The following XYLT1 variants were observed in gnomAD, a reference collection of about 807,000 sequenced individuals.
XYLT1 encodes the protein beta-D-xylosyltransferase 1.
Under a neutral mutation model 91.3 loss-of-function variants are expected in XYLT1, and 36 were observed. The ratio of observed to expected loss-of-function variants is 0.39; its 90% confidence interval spans 0.30 to 0.52. The LOEUF is 0.52. XYLT1 is among the 20% of genes least tolerant of loss of function. The pLI, the probability that XYLT1 is intolerant of heterozygous loss-of-function variation, is 0.68. For missense variants in XYLT1, 1,242 were observed against 1,284.5 expected (o/e 0.97, Z 0.51); for synonymous variants, 588 against 532.0 (o/e 1.11, Z -1.45).
chr16:17,229,271 G>A (rs769562881), intron 3 of XYLT1, among the ~76,000 whole-genome samples: 2 of 152,176 alleles, frequency 1.3e-5, no homozygotes, highest in African/African-American at 2.4e-5. Context: ...ACTGTAGCCC[G>A]GGCCAGTCCT....
At chr16:17,370,881 C>G (rs2035523292) in intron 1 of XYLT1, among the ~76,000 whole-genome samples, 1 of 152,168 alleles carries the variant, frequency 6.6e-6, no homozygotes, top group Non-Finnish European at 1.5e-5. Flanking sequence ...CAGCTATCTC[C>G]CTTAGAAGGG....
At chr16:17,309,887 G>A (rs560128199) in intron 2 of XYLT1, among the ~76,000 whole-genome samples, 56 of 152,298 alleles carry the variant, frequency 3.7e-4, no homozygotes, top group African/African-American at 1.3e-3. Flanking sequence ...TGGTGAGAAA[G>A]GCTATGTGGG....
intron 2 of XYLT1, among the ~76,000 whole-genome samples, chr16:17,287,946 T>C (rs1028400905): frequency 2.6e-5 from 4 of 151,686 alleles, no homozygotes; most frequent in Non-Finnish European, 4.4e-5. Context: ...TTTCTTTTTT[T>C]TTTTTTGAGA....
chr16:17,195,183 G>C (rs2032398252), intron 5 of XYLT1, among the ~76,000 whole-genome samples: 1 of 152,224 alleles, frequency 6.6e-6, no homozygotes, highest in African/African-American at 2.4e-5. Flanking sequence ...CTAGTGGGTA[G>C]AGGCCAGAGA....
At chr16:17,450,265 G>C (rs2036648249) in intron 1 of XYLT1, among the ~76,000 whole-genome samples, 2 of 152,232 alleles carry the variant, frequency 1.3e-5, no homozygotes, top group South Asian at 4.1e-4. Context: ...TTGAACCCAG[G>C]AGGCAGAGGT....
At chr16:17,297,546 C>G (rs577305137) in intron 2 of XYLT1, among the ~76,000 whole-genome samples, 9 of 131,762 alleles carry the variant, frequency 6.8e-5, no homozygotes, top group African/African-American at 3.1e-4. Context: ...GACCCCATCT[C>G]TAAAGAAAAT....
At chr16:17,111,586 A>G (rs1303735606) in intron 11 of XYLT1, among the ~76,000 whole-genome samples, 1 of 152,320 alleles carries the variant, frequency 6.6e-6, no homozygotes, top group East Asian at 1.9e-4. Flanking sequence ...GGATATTAAC[A>G]AGTGTCCAGA....
chr16:17,327,331 G>A (rs541677127), intron 2 of XYLT1, among the ~76,000 whole-genome samples: 165 of 150,848 alleles, frequency 1.1e-3, no homozygotes, highest in African/African-American at 3.8e-3. Flanking sequence ...GATTAAAAAC[G>A]AGCAACAACT....
chr16:17,149,795 C>T lies in XYLT1; in HGVS notation c.1371-8426G>A, dbSNP rs75082141. ...TCTACTAACCTTAGGCAACTTTAAT[C>T]ATATGGTACTTTGGTTTCTCACAGG... On this transcript the variant is annotated intron_variant, in intron 6 of 11. Coordinates refer to ENST00000261381, the MANE Select transcript of XYLT1 (RefSeq NM_022166.4). 0.01 allele frequency among the ~76,000 whole-genome samples: 1,594 copies of T among 152,282 alleles called. 82 individuals are homozygous for T. In the East Asian group the frequency reaches 0.16, roughly 16 times the overall value.
intron 3 of XYLT1, among the ~76,000 whole-genome samples, chr16:17,249,396 G>A (rs2033499321): frequency 6.6e-6 from 1 of 152,216 alleles, no homozygotes. Context: ...GTGAGGGCAA[G>A]ACTGAGGATT....
At chr16:17,166,515 C>CTT (rs369535545) in intron 5 of XYLT1, among the ~76,000 whole-genome samples, 5 of 144,392 alleles carry the variant, frequency 3.5e-5, no homozygotes, top group Non-Finnish European at 4.6e-5. Context: ...CCATCATTCA[C>CTT]TTTTTTTTTT....
In XYLT1 at chr16:17,172,587, T is replaced by C. The variant is rs374884667; in HGVS notation, c.1290-13678A>G. Among the ~76,000 whole-genome samples the C allele has an allele frequency of 2.5e-4, 37 of 148,576 alleles. 1 individual carries two copies. The East Asian group carries it at 5.1e-3, about 21-fold the overall frequency. ...CCCAGGTTCAAGCGATTATCCTGCC[T>C]CAGCCTCCTGAGTAGCTGGGATTAC... On this transcript the variant is annotated intron_variant, in intron 5 of 11. Coordinates refer to ENST00000261381, the MANE Select transcript of XYLT1 (RefSeq NM_022166.4).
chr16:17,102,295 TG>T lies in XYLT1; in HGVS notation c.*6399del, dbSNP rs1331031300. On this transcript the variant is annotated 3_prime_UTR_variant, in exon 12 of 12. Coordinates refer to ENST00000261381, the MANE Select transcript of XYLT1 (RefSeq NM_022166.4). ...GAGATTGTGTAAAGATGCACAATGT[TG>T]CTGAAAAGAAGCCACATATAGTCAC... The T allele has an allele frequency of 6.5e-5, 10 of 152,756 alleles. No homozygotes were observed. The highest frequency in any genetic ancestry group is 1.9e-4 in the African/African-American group (8 of 41,580). The allele number at this position is 152,756 out of a possible 1,614,324, so 9.5% of individuals were successfully genotyped here.
At position 17,420,712 on chromosome 16, in the gene XYLT1, GTTCT is replaced by G. The variant is rs1320783787; in HGVS notation, c.363+49718_363+49721del. Among the ~76,000 whole-genome samples the G allele has an allele frequency of 1.7e-4, 26 of 152,158 alleles. No individual in the cohort carries two copies. The East Asian group carries it at 1.7e-3, about 10-fold the overall frequency. ...ATTTTTTTTTGCGAAGGGTGCAAATGTTCTTTCTATTGAATGTGTGTGCATGTCA... is the reference window on the plus strand; with the variant it reads ...ATTTTTTTTTGCGAAGGGTGCAAATGTTCTATTGAATGTGTGTGCATGTCA... On this transcript the variant is annotated intron_variant, in intron 1 of 11. Transcript: ENST00000261381.
intron 1 of XYLT1, among the ~76,000 whole-genome samples, chr16:17,359,590 T>C (rs1423117449): frequency 6.6e-6 from 1 of 152,192 alleles, no homozygotes; most frequent in Non-Finnish European, 1.5e-5. Flanking sequence ...GAAAGGAAAC[T>C]GCCAAGAGAA....
chr16:17,147,107 T>C (rs2031154015), intron 6 of XYLT1, among the ~76,000 whole-genome samples: 1 of 152,196 alleles, frequency 6.6e-6, no homozygotes, highest in African/African-American at 2.4e-5. Context: ...AGCAAAGTCA[T>C]GTTCTTGCTG....
intron 3 of XYLT1, among the ~76,000 whole-genome samples, chr16:17,205,372 T>G (rs1189307646): frequency 2.6e-5 from 4 of 152,244 alleles, no homozygotes; most frequent in African/African-American, 9.6e-5. Flanking sequence ...AGCAGTGTCC[T>G]GCAATAATGA....
At chr16:17,180,556 G>C (rs2032045453) in intron 5 of XYLT1, among the ~76,000 whole-genome samples, 1 of 152,154 alleles carries the variant, frequency 6.6e-6, no homozygotes, top group Non-Finnish European at 1.5e-5. Flanking sequence ...GGAGGAGAAA[G>C]GACATAGGAG....
intron 5 of XYLT1, among the ~76,000 whole-genome samples, chr16:17,184,447 C>G (rs921840448): frequency 3.9e-5 from 6 of 152,132 alleles, no homozygotes; most frequent in African/African-American, 1.4e-4. Context: ...AGCCTGGACT[C>G]TCTTTTCTTC....
Sources: gnomAD v4.1 joint callset for allele counts (sites outside exome capture counted in the v4.1 genomes callset) on GRCh38, gnomAD v4.1.1 for gene constraint, MANE v1.5 for transcripts, NCBI Gene and HGNC (gene_info 2026-07-23, HGNC 2026-07-21) for gene names.